UTRN: variants seen among roughly 807,000 people sequenced by gnomAD.
UTRN encodes utrophin.
Under a neutral mutation model 463.9 loss-of-function variants are expected in UTRN, and 283 were observed. That is an observed-to-expected ratio of 0.61 (90% confidence interval 0.55 to 0.67). The LOEUF is 0.67. UTRN is among the 30% of genes least tolerant of loss of function. The pLI is 0.00. For missense variants in UTRN, 3,922 were observed against 4,084.3 expected (o/e 0.96, Z 1.08); for synonymous variants, 1,442 against 1,431.5 (o/e 1.01, Z -0.17).
chr6:144,428,791 A>T lies in UTRN; in HGVS notation c.592A>T (p.Ser198Cys). ...CATGGTTTTCAGACCTGATCTCTTC[A>T]GCTGGGATAAAGTTGTCAAAATGTC... is the stretch of plus-strand genomic sequence containing the variant. Reference protein sequence around the residue: ...VLHRHKPDLFSWDKVVKMSPI... With the variant: ...VLHRHKPDLFCWDKVVKMSPI... The change falls in exon 8 of 75, where the codon AGC becomes TGC. Residue 198 changes from serine to cysteine, a missense_variant. By Grantham distance (112) the Ser-to-Cys change is moderately radical (BLOSUM62 -1). Transcript: ENST00000367545. 1.2e-6 allele frequency: 2 copies of T among 1,606,904 alleles called. No individual in the cohort carries two copies. Among genetic ancestry groups the T allele is most frequent in the South Asian group, 2.2e-5 (2 of 89,650 alleles).
rs943062692 is a variant in UTRN, at chr6:144,455,640, G to T, written c.2284+1771G>T. Among the ~76,000 whole-genome samples, 29 of 152,214 alleles carry T rather than the reference G, an allele frequency of 1.9e-4. 1 individual carries two copies. Among genetic ancestry groups the T allele is most frequent in the Non-Finnish European group, 7.3e-5 (5 of 68,032 alleles). ...AGATGAGAAGTTGGTGCGAGGTGAT[G>T]TTATAGTGAGAATAACAGTGATTGG... is the stretch of plus-strand genomic sequence containing the variant. On this transcript the variant is annotated intron_variant, in intron 19 of 74. Coordinates refer to ENST00000367545, the MANE Select transcript of UTRN (RefSeq NM_007124.3).
In UTRN at chr6:144,793,916, C is replaced by A. The variant is rs375044482; in HGVS notation, c.9003C>A (p.Ile3001=). The change falls in exon 63 of 75, where the codon ATC becomes ATA. Residue 3001 remains isoleucine (I), a synonymous_variant. Transcript: ENST00000367545. The part of the protein sequence containing the change: ...LGLLLHDAIQ[I]PRQLGEVAAF... Reference sequence around the variant, plus strand: ...TGTTACTTCATGATGCCATCCAGATCCCCCGGCAGCTAGGTGAAGTAGCAG... The same window carrying A: ...TGTTACTTCATGATGCCATCCAGATACCCCGGCAGCTAGGTGAAGTAGCAG... 6.2e-7 allele frequency: 1 copy of A among 1,614,028 alleles called. No individual in the cohort carries two copies. The highest frequency in any genetic ancestry group is 1.7e-5 in the Admixed American group (1 of 60,004).
At chr6:144,778,309 T>A (rs1775513795) in intron 60 of UTRN, among the ~76,000 whole-genome samples, 2 of 152,000 alleles carry the variant, frequency 1.3e-5, no homozygotes, top group South Asian at 4.2e-4. Flanking sequence ...GGAAGGATGT[T>A]AGGATATTTC....
chr6:144,614,416 G>C (rs902747492), intron 51 of UTRN, among the ~76,000 whole-genome samples: 23 of 152,072 alleles, frequency 1.5e-4, no homozygotes, highest in African/African-American at 5.6e-4. Flanking sequence ...TCCTGGGAAG[G>C]TTTCCAGTGA....
At chr6:144,300,225 G>A (rs945614032) in intron 2 of UTRN, among the ~76,000 whole-genome samples, 3 of 152,068 alleles carry the variant, frequency 2.0e-5, no homozygotes, top group African/African-American at 4.8e-5. Flanking sequence ...GAGTAGCTGG[G>A]ACTACAGGTG....
chr6:144,333,926 C>T (rs948442534), intron 2 of UTRN, among the ~76,000 whole-genome samples: 3 of 152,156 alleles, frequency 2.0e-5, no homozygotes, highest in Non-Finnish European at 4.4e-5. Flanking sequence ...TATTTATCCA[C>T]CCACCTACTA....
At chr6:144,423,734 T>G in intron 5 of UTRN, 108 bp downstream of exon 5, 7 of 1,338,670 alleles carry the variant, frequency 5.2e-6, no homozygotes, top group Non-Finnish European at 7.4e-6. Context: ...TTGCAAACAT[T>G]TTTTCTTATG....
At chr6:144,704,739 G>A (rs1029265794) in intron 53 of UTRN, among the ~76,000 whole-genome samples, 5 of 152,052 alleles carry the variant, frequency 3.3e-5, no homozygotes, top group East Asian at 1.9e-4. Flanking sequence ...TAAGGCAGGC[G>A]GATCATGAGG....
In UTRN at chr6:144,439,168, A is replaced by G. The variant is rs3811098; in HGVS notation, c.1392+273A>G. ...TGGAGAAGGGTTCTTTTGGCCCTCT[A>G]AGTGGCTAAGAACCCAAGCATGTTG... On this transcript the variant is annotated intron_variant, in intron 12 of 74. Transcript: ENST00000367545. 0.012 allele frequency among the ~76,000 whole-genome samples: 1,792 copies of G among 152,310 alleles called. 70 individuals carry two copies. In the East Asian group the frequency reaches 0.14, roughly 12 times the overall value.
chr6:144,835,206 G>A (rs771817917), intron 69 of UTRN, among the ~76,000 whole-genome samples: 2 of 152,168 alleles, frequency 1.3e-5, no homozygotes, highest in Non-Finnish European at 2.9e-5. Context: ...GTAGTTTCTT[G>A]TTCTAATGCA....
intron 41 of UTRN, among the ~76,000 whole-genome samples, chr6:144,526,856 G>A (rs928505314): frequency 6.6e-6 from 1 of 151,800 alleles, no homozygotes; most frequent in African/African-American, 2.4e-5. Context: ...GAGTGCAGTG[G>A]CATGATCTCG....
intron 2 of UTRN, among the ~76,000 whole-genome samples, chr6:144,313,173 TA>T: frequency 6.6e-6 from 1 of 152,250 alleles, no homozygotes; most frequent in East Asian, 1.9e-4. Context: ...AAAAGAGAAG[TA>T]AAAAATAAGC....
chr6:144,376,863 G>C (rs937598169), intron 2 of UTRN, among the ~76,000 whole-genome samples: 1 of 151,906 alleles, frequency 6.6e-6, no homozygotes, highest in Non-Finnish European at 1.5e-5. Flanking sequence ...TTTATTACTT[G>C]GTTTATAGAA....
At chr6:144,573,270 T>C (rs914589967) in intron 50 of UTRN, among the ~76,000 whole-genome samples, 7 of 152,078 alleles carry the variant, frequency 4.6e-5, no homozygotes, top group Non-Finnish European at 8.8e-5. Flanking sequence ...AGACATAGCA[T>C]GGCCGGGCAC....
chr6:144,642,561 G>T (rs1033609958), intron 51 of UTRN, among the ~76,000 whole-genome samples: 27 of 152,170 alleles, frequency 1.8e-4, no homozygotes, highest in Admixed American at 2.6e-4. Flanking sequence ...TTCGTCTAGA[G>T]ATAAAATGTC....
chr6:144,480,079 G>A (rs1791688353), intron 26 of UTRN, 97 bp downstream of exon 26: 2 of 1,346,560 alleles, frequency 1.5e-6, no homozygotes, highest in Admixed American at 2.7e-5. Context: ...AACACTATGT[G>A]CATGTAGCAT....
At position 144,582,103 on chromosome 6, in the gene UTRN, C is replaced by T. The variant is rs1055664519; in HGVS notation, c.7479+4815C>T. ...ACAGTTCTATAAGACCCAATAAAGT[C>T]GGCAAAGCACTGCTTGATAAACACC... is the stretch of plus-strand genomic sequence containing the variant. On this transcript the variant is annotated intron_variant, in intron 51 of 74. Coordinates refer to ENST00000367545, the MANE Select transcript of UTRN (RefSeq NM_007124.3). 3.3e-5 allele frequency among the ~76,000 whole-genome samples: 5 copies of T among 152,160 alleles called. No individual in the cohort carries two copies. In the East Asian group the frequency reaches 5.8e-4, roughly 18 times the overall value.
chr6:144,417,537 A>G (rs1784456253), intron 3 of UTRN, among the ~76,000 whole-genome samples: 1 of 152,240 alleles, frequency 6.6e-6, no homozygotes, highest in Non-Finnish European at 1.5e-5. Flanking sequence ...TACATAGTAA[A>G]TGCTTGCTAT....
At chr6:144,515,214 T>TAAATTA (rs1238801799) in intron 37 of UTRN, among the ~76,000 whole-genome samples, 1 of 152,226 alleles carries the variant, frequency 6.6e-6, no homozygotes. Context: ...CAACAATTTT[T>TAAATTA]AAATTAAAAT....
Sources: allele counts gnomAD v4.1 joint callset (sites outside exome capture counted in the v4.1 genomes callset), GRCh38; gene constraint gnomAD v4.1.1; transcripts MANE v1.5; gene names NCBI Gene and HGNC (gene_info 2026-07-23, HGNC 2026-07-21).